SMARCB1: variants seen among roughly 807,000 people sequenced by gnomAD.
SMARCB1 encodes the protein SWI/SNF related BAF chromatin remodeling complex subunit B1, also known as SWI/SNF-related matrix-associated actin-dependent regulator of chromatin subfamily B member 1.
In SMARCB1, 5 loss-of-function variants were observed where a neutral mutation model predicts 49.0. The ratio of observed to expected loss-of-function variants is 0.10; its 90% CI spans 0.05 to 0.21. SMARCB1 has a LOEUF of 0.21. SMARCB1 is among the 10% of genes least tolerant of loss of function. The probability of loss-of-function intolerance (pLI) is 1.00; values close to 1 mark genes in which losing one functional copy is unlikely to be tolerated. For synonymous variants in SMARCB1, 201 were observed against 200.1 expected (o/e 1.00, Z -0.04); for missense variants, 226 against 509.2 (o/e 0.44, Z 5.35).
Position 23,830,649 on chromosome 22 carries a change from C to CTTTTTTTTTTTTTTTTTTTTTTT in SMARCB1, c.987-2912_987-2890dup, listed in dbSNP as rs56800497. ...TTCATTTTGATGTAGTCCAATTTAT[C>CTTTTTTTTTTTTTTTTTTTTTTT]TTTTTTTTTTTTTTTTTTTTTTTTT... On this transcript the variant is annotated intron_variant, in intron 7 of 8. Transcript: ENST00000644036. Among the ~76,000 whole-genome samples, 14 of 95,446 alleles carry CTTTTTTTTTTTTTTTTTTTTTTT rather than the reference C, an allele frequency of 1.5e-4. 1 individual carries two copies. Among genetic ancestry groups the CTTTTTTTTTTTTTTTTTTTTTTT allele is most frequent in the East Asian group, 3.7e-4 (1 of 2,670 alleles). The allele number at this position is 95,446 out of a possible 152,430, so 62.6% of individuals were successfully genotyped here.
At chr22:23,802,678 T>C (rs1929242707) in intron 4 of SMARCB1, 1 of 185,540 alleles carries the variant, frequency 5.4e-6, no homozygotes, top group Non-Finnish European at 1.2e-5. Context: ...TTAGGTGTCC[T>C]GTGTCCTCCA....
intron 6 of SMARCB1, among the ~76,000 whole-genome samples, chr22:23,819,575 T>A (rs891025915): frequency 4.6e-5 from 7 of 152,040 alleles, no homozygotes; most frequent in African/African-American, 1.7e-4. Context: ...CCTCCCAAAC[T>A]CAAATGATCT....
At chr22:23,797,609 CTTTTTTTTTTT>C (rs71184910) in intron 3 of SMARCB1, among the ~76,000 whole-genome samples, 3 of 36,292 alleles carry the variant, frequency 8.3e-5, no homozygotes, top group Non-Finnish European at 1.3e-4. Context: ...TGCGCCTGGC[CTTTTTTTTTTT>C]TTTTTTTTTT....
intron 7 of SMARCB1, among the ~76,000 whole-genome samples, chr22:23,826,747 A>C (rs930138050): frequency 2.0e-5 from 3 of 152,244 alleles, no homozygotes; most frequent in Non-Finnish European, 4.4e-5. Flanking sequence ...CCCAAGAGAC[A>C]GCTTTCTATG....
At chr22:23,792,353 A>G (rs1928438349) in intron 2 of SMARCB1, 1 of 331,560 alleles carries the variant, frequency 3.0e-6, no homozygotes. Flanking sequence ...AGTGTGCTAG[A>G]GCCCATGTGC....
At chr22:23,797,546 G>A (rs1234654595) in intron 3 of SMARCB1, among the ~76,000 whole-genome samples, 6 of 145,192 alleles carry the variant, frequency 4.1e-5, no homozygotes, top group African/African-American at 1.5e-4. Flanking sequence ...TCCTGACCTT[G>A]TGATCCGCCC....
At chr22:23,809,297 C>T (rs1473807860) in intron 5 of SMARCB1, among the ~76,000 whole-genome samples, 129 of 135,714 alleles carry the variant, frequency 9.5e-4, no homozygotes, top group Non-Finnish European at 8.8e-4. Context: ...TTTTTTGAGA[C>T]GGAGTTTCTG....
rs768379745 is a variant in SMARCB1 at position 23,816,814 on chromosome 22, G to T, written c.673G>T (p.Asp225Tyr). 1 of 1,614,042 alleles carries T rather than the reference G, an allele frequency of 6.2e-7. No homozygotes were observed. The highest frequency in any genetic ancestry group is 1.3e-5 in the African/African-American group (1 of 75,052). The change falls in exon 6 of 9, where the codon GAT (aspartate) becomes TAT (tyrosine). Residue 225 changes from aspartate to tyrosine, a missense_variant. Around this residue, in one of 6 missense-constraint regions of SMARCB1, gnomAD observed 128 missense variants for 263.9 expected, o/e 0.49. Transcript: ENST00000644036. ...GATGTTTTCAGAAATCCTCTGTGACGATCTGGATTTGAACCCGCTGACGTT... is the reference window on the plus strand; with the variant it reads ...GATGTTTTCAGAAATCCTCTGTGACTATCTGGATTTGAACCCGCTGACGTT... ...PEMFSEILCD[D>Y]LDLNPLTFVP...
At chr22:23,791,463 A>G (rs970412403) in intron 1 of SMARCB1, among the ~76,000 whole-genome samples, 1 of 152,252 alleles carries the variant, frequency 6.6e-6, no homozygotes, top group Non-Finnish European at 1.5e-5. Context: ...TCCTTAGTCC[A>G]AAATCAAAAT....
chr22:23,810,527 C>CAA (rs201408640), intron 5 of SMARCB1, among the ~76,000 whole-genome samples: 59,741 of 79,688 alleles, frequency 0.75, 22,842 homozygotes, highest in Middle Eastern at 0.83. Flanking sequence ...GACTCTGTCT[C>CAA]AAAAAAAAAA....
rs1284843263 is a variant in SMARCB1 at position 23,834,579 on chromosome 22, G to A, written c.*399G>A. 4.2e-5 allele frequency: 29 copies of A among 697,768 alleles called. No individual in the cohort carries two copies. Among genetic ancestry groups the A allele is most frequent in the Admixed American group, 2.0e-4 (10 of 48,838 alleles). The allele number at this position is 697,768 out of a possible 1,614,324, so 43.2% of individuals were successfully genotyped here. ...AATAATGAGAGCCAGGAGTGGGGCC[G>A]GGGCCTGGGGGGACGAAGGTGGTAT... On this transcript the variant is annotated 3_prime_UTR_variant, in exon 9 of 9. Transcript: ENST00000644036.
intron 7 of SMARCB1, among the ~76,000 whole-genome samples, chr22:23,830,618 A>G (rs573328276): frequency 6.7e-6 from 1 of 148,270 alleles, no homozygotes; most frequent in South Asian, 2.2e-4. Flanking sequence ...TTGAAGCACA[A>G]AAGTTTTCAT....
chr22:23,801,492 A>G (rs113306052), intron 4 of SMARCB1: 1 of 437,752 alleles, frequency 2.3e-6, no homozygotes, highest in South Asian at 1.9e-5. Context: ...CGAGCAGAGC[A>G]CATTTCTTCC....
chr22:23,834,298 G>C lies in SMARCB1; in HGVS notation c.*118G>C, dbSNP rs959399607. 9.5e-6 allele frequency: 11 copies of C among 1,162,850 alleles called. No individual in the cohort carries two copies. The highest frequency in any genetic ancestry group is 5.3e-5 in the South Asian group (4 of 75,802). 72.0% of individuals were successfully genotyped at this position (1,162,850 alleles called of 1,614,324 possible). A position where few individuals can be genotyped will look rare whatever the true frequency, so the allele number is the denominator to read the frequency against. ...CCCAGCGCCATCCTGAGGATCGGGTGGGGGTGGAGTGGGGGCTTCCAGGTG... is the reference window on the plus strand; with the variant it reads ...CCCAGCGCCATCCTGAGGATCGGGTCGGGGTGGAGTGGGGGCTTCCAGGTG... On this transcript the variant is annotated 3_prime_UTR_variant, in exon 9 of 9. Coordinates refer to ENST00000644036, the MANE Select transcript of SMARCB1 (RefSeq NM_003073.5).
chr22:23,800,524 T>C (rs907429817), intron 3 of SMARCB1, among the ~76,000 whole-genome samples: 3 of 152,122 alleles, frequency 2.0e-5, no homozygotes, highest in Non-Finnish European at 4.4e-5. Context: ...GGGGACCTCC[T>C]CCCTGGACTG....
chr22:23,819,022 G>T (rs9608194), intron 6 of SMARCB1, among the ~76,000 whole-genome samples: 1 of 151,736 alleles, frequency 6.6e-6, no homozygotes, highest in Non-Finnish European at 1.5e-5. Flanking sequence ...CTGATTTTTT[G>T]TATTTTTTTT....
At chr22:23,788,057 A>G (rs1382129302) in intron 1 of SMARCB1, among the ~76,000 whole-genome samples, 1 of 152,120 alleles carries the variant, frequency 6.6e-6, no homozygotes, top group Non-Finnish European at 1.5e-5. Flanking sequence ...TGTTTTTTAT[A>G]GAGACAGGGT....
At chr22:23,825,187 CA>C (rs2030315358) in intron 6 of SMARCB1, 37 bp from the exon 7 acceptor site, 1 of 1,602,084 alleles carries the variant, frequency 6.2e-7, no homozygotes, top group African/African-American at 1.3e-5. Context: ...CCCTGGGCTG[CA>C]AAAGCTCTAA....
intron 7 of SMARCB1, among the ~76,000 whole-genome samples, chr22:23,828,407 C>T (rs1005263986): frequency 1.3e-5 from 2 of 151,564 alleles, no homozygotes; most frequent in Admixed American, 1.3e-4. Context: ...GCCTGTAATC[C>T]CAGCACTTTG....
Sources: gnomAD v4.1 joint callset for allele counts (sites outside exome capture counted in the v4.1 genomes callset) on GRCh38, gnomAD v4.1.1 for gene constraint, gnomAD v4.1.1 regional missense constraint, MANE v1.5 for transcripts, NCBI Gene and HGNC (gene_info 2026-07-23, HGNC 2026-07-21) for gene names.